Variants in ANPEP observed in about 807,000 individuals in gnomAD.
ANPEP encodes the protein aminopeptidase N.
In ANPEP, 70 loss-of-function variants were observed where a neutral mutation model predicts 114.6. The ratio of observed to expected loss-of-function variants is 0.61; its 90% CI spans 0.50 to 0.75. The LOEUF (loss-of-function observed/expected upper bound fraction) is 0.75, where lower values mean the gene tolerates loss of function less well. Ranked by LOEUF, ANPEP falls within the 30% of genes least tolerant of loss-of-function variation. ANPEP has a pLI of 0.00. For synonymous variants in ANPEP, 548 were observed against 522.3 expected (o/e 1.05, Z -0.67); for missense variants, 1,184 against 1,259.5 (o/e 0.94, Z 0.91).
At chr15:89,809,023 C>G (rs1490783477) in intron 1 of ANPEP, among the ~76,000 whole-genome samples, 3 of 152,118 alleles carry the variant, frequency 2.0e-5, no homozygotes, top group Non-Finnish European at 4.4e-5. Context: ...ATGGACCTCC[C>G]ACTGCAGTGA....
At position 89,806,505 on chromosome 15, in the gene ANPEP, T is replaced by C. The variant is rs369184847; in HGVS notation, c.79A>G (p.Ile27Val). The stretch of plus-strand genomic sequence containing the variant: ...TGGGAGTACACCACTGACAGTGCGA[T>C]GATTGTGCACACGGCTGCCACGCCC... The part of the protein sequence containing the change: ...LLGVAAVCTI[I>V]ALSVVYSQEK... Residue 27 changes from isoleucine to valine, a missense_variant, in exon 2 of 21, where the codon ATC becomes GTC. By Grantham distance (29) the Ile-to-Val change is conservative. Transcript: ENST00000300060. The surrounding 1 kb of genome is among the most constrained non-coding windows in gnomAD (Gnocchi z 5.7). 1.9e-6 allele frequency: 3 copies of C among 1,613,838 alleles called. No homozygotes were observed. Among genetic ancestry groups the C allele is most frequent in the Non-Finnish European group, 2.5e-6 (3 of 1,179,934 alleles).
In ANPEP at chr15:89,803,292, T is replaced by A. The variant is rs1194346305; in HGVS notation, c.1516A>T (p.Thr506Ser). ...FKQGLASYLH[T>S]FAYQNTIYLN... ...TAGATGGTGTTCTGGTAGGCAAAGGTGTGGAGGTAGGACTGTGGAAAGACG... is the reference window on the plus strand; with the variant it reads ...TAGATGGTGTTCTGGTAGGCAAAGGAGTGGAGGTAGGACTGTGGAAAGACG... Residue 506 changes from threonine (T) to serine (S), a missense_variant, in exon 10 of 21, where the codon ACC becomes TCC. Transcript: ENST00000300060. This position sits in a 1 kb window ranked among gnomAD's most constrained non-coding sequence, Gnocchi z 4.2. 2 of 1,613,634 alleles carry A rather than the reference T, an allele frequency of 1.2e-6. No homozygotes were observed. Among genetic ancestry groups the A allele is most frequent in the African/African-American group, 2.7e-5 (2 of 74,776 alleles).
chr15:89,790,415 G>T (rs138092014), intron 20 of ANPEP, 45 bp downstream of exon 20: 7 of 1,574,558 alleles, frequency 4.4e-6, no homozygotes, highest in Non-Finnish European at 6.1e-6. Context: ...CCTTTGGCCT[G>T]GGAAGGAAGT....
In ANPEP at chr15:89,785,490, G is replaced by A. The variant is rs2141782145; in HGVS notation, c.2763C>T (p.Phe921=). 6.2e-7 allele frequency: 1 copy of A among 1,613,962 alleles called. No individual in the cohort carries two copies. Among genetic ancestry groups the A allele is most frequent in the Non-Finnish European group, 8.5e-7 (1 of 1,179,900 alleles). ...TEYELQQLEQ[F]KKDNEETGFG... ...AGCCTGTTTCCTCGTTGTCCTTCTT[G>A]AACTGCTCCAGCTGCCAGAAAAACA... is the stretch of plus-strand genomic sequence containing the variant. The change falls in exon 21 of 21, where the codon TTC becomes TTT. Residue 921 remains phenylalanine (F), a synonymous_variant. Transcript: ENST00000300060.
chr15:89,802,165 T>C (rs894905454), intron 10 of ANPEP, among the ~76,000 whole-genome samples: 1 of 152,004 alleles, frequency 6.6e-6, no homozygotes, highest in Non-Finnish European at 1.5e-5. Context: ...AGGAATCACC[T>C]AAGAACGGGG....
At position 89,801,087 on chromosome 15, in the gene ANPEP, G is replaced by A. The variant is rs556842414; in HGVS notation, c.1819+24C>T. The A allele has an allele frequency of 9.1e-5, 146 of 1,609,432 alleles. 1 individual carries two copies. The South Asian group carries it at 1.5e-3, about 17-fold the overall frequency. On this transcript the variant is annotated intron_variant, in intron 12 of 20. Coordinates refer to ENST00000300060, the MANE Select transcript of ANPEP (RefSeq NM_001150.3). ...CTAGGAGTATGGGGTGGGGGCTGCT[G>A]CCCATAAGGCAGGGCTGGATTACCT...
In ANPEP at chr15:89,785,295, A is replaced by T; in HGVS notation, c.*54T>A. The T allele has an allele frequency of 6.2e-7, 1 of 1,606,826 alleles. No individual in the cohort carries two copies. Among genetic ancestry groups the T allele is most frequent in the Admixed American group, 1.7e-5 (1 of 59,798 alleles). ...TGGAGGCCCTGCACCAGCCGCTGGG[A>T]TGGACACATGTGGGCACCTTGCATG... On this transcript the variant is annotated 3_prime_UTR_variant, in exon 21 of 21. Transcript: ENST00000300060.
chr15:89,792,063 G>A, intron 18 of ANPEP, 97 bp downstream of exon 18: 1 of 1,411,686 alleles, frequency 7.1e-7, no homozygotes, highest in South Asian at 1.3e-5. Flanking sequence ...CAGGTCTGTG[G>A]GGGTCACGTG....
intron 5 of ANPEP, 37 bp from the exon 6 acceptor site, chr15:89,804,444 G>T: frequency 6.2e-7 from 1 of 1,614,094 alleles, no homozygotes; most frequent in Non-Finnish European, 8.5e-7. Context: ...TGAACTCCGG[G>T]AGTGGAGCTC....
intron 14 of ANPEP, 32 bp from the exon 15 acceptor site, chr15:89,797,754 A>G (rs774863890): frequency 6.2e-7 from 1 of 1,611,056 alleles, no homozygotes; most frequent in African/African-American, 1.3e-5. Context: ...CAAGTAAAGC[A>G]CCTCCACCCA....
In ANPEP at chr15:89,803,357, C is replaced by G. The variant is rs1349449774; in HGVS notation, c.1504-53G>C. The G allele has an allele frequency of 1.2e-6, 2 of 1,613,170 alleles. No homozygotes were observed. The highest frequency in any genetic ancestry group is 2.7e-5 in the African/African-American group (2 of 74,910). ...CACAGCTGGAGCCCCCCAGGCTCCC[C>G]CTCTGTGGTGGGCAGAGGCCCGGGT... On this transcript the variant is annotated intron_variant, in intron 9 of 20. Transcript: ENST00000300060. The surrounding 1 kb of genome is among the most constrained non-coding windows in gnomAD (Gnocchi z 4.2).
chr15:89,797,180 T>G (rs1968744067), intron 15 of ANPEP, among the ~76,000 whole-genome samples: 2 of 152,246 alleles, frequency 1.3e-5, no homozygotes, highest in South Asian at 4.1e-4. Flanking sequence ...GAGAAAGGGT[T>G]GCCCAAGGCC....
chr15:89,804,695 T>C, intron 4 of ANPEP, 78 bp from the exon 5 acceptor site: 18 of 1,554,168 alleles, frequency 1.2e-5, no homozygotes, highest in Non-Finnish European at 1.6e-5. Context: ...CAGGGCCCAG[T>C]GGGCTGGGGG....
intron 4 of ANPEP, 76 bp from the exon 5 acceptor site, chr15:89,804,693 A>G: frequency 6.4e-7 from 1 of 1,567,134 alleles, no homozygotes; most frequent in Non-Finnish European, 8.6e-7. Context: ...CCCAGGGCCC[A>G]GTGGGCTGGG....
chr15:89,797,429 A>C, intron 15 of ANPEP, 146 bp downstream of exon 15: 2 of 1,217,330 alleles, frequency 1.6e-6, no homozygotes, highest in Non-Finnish European at 2.3e-6. Flanking sequence ...TGACAAGGCA[A>C]TCTTTCTTTT....
Position 89,803,682 on chromosome 15 carries a change from T to A in ANPEP, c.1402A>T (p.Ile468Phe), listed in dbSNP as rs779772738. Residue 468 changes from isoleucine to phenylalanine, a missense_variant, in exon 8 of 21, where the codon ATC becomes TTC. Ile to Phe is a conservative substitution (Grantham distance 21). Coordinates refer to ENST00000300060, the MANE Select transcript of ANPEP (RefSeq NM_001150.3). The surrounding 1 kb of genome is among the most constrained non-coding windows in gnomAD (Gnocchi z 4.2). ...GAGATGGCGTCAAACAGCTCACTGA[T>A]CTGGGCCGGCGTGTTGATCTCCGAG... ...PASEINTPAQ[I>F]SELFDAISYS... The A allele has an allele frequency of 4.3e-6, 7 of 1,613,222 alleles. No homozygotes were observed. The Admixed American group carries it at 1.2e-4, about 27-fold the overall frequency.
intron 1 of ANPEP, among the ~76,000 whole-genome samples, chr15:89,808,298 C>G (rs980763045): frequency 6.6e-6 from 1 of 152,212 alleles, no homozygotes; most frequent in Admixed American, 6.5e-5. Flanking sequence ...GCCGCCCTGA[C>G]CTCCCTGACC....
chr15:89,803,407 C>A lies in ANPEP; in HGVS notation c.1503+35G>T. On this transcript the variant is annotated intron_variant, in intron 9 of 20. Transcript: ENST00000300060. This position sits in a 1 kb window ranked among gnomAD's most constrained non-coding sequence, Gnocchi z 4.2. ...TCAAGGGCGAGGGGCAGAAGGAGAC[C>A]CACCCTCATGGCTGGCCCAGGGTGC... is the stretch of plus-strand genomic sequence containing the variant. 6.2e-7 allele frequency: 1 copy of A among 1,611,756 alleles called. No homozygotes were observed.
At chr15:89,804,676 G>C in intron 4 of ANPEP, 59 bp from the exon 5 acceptor site, 1 of 1,588,548 alleles carries the variant, frequency 6.3e-7, no homozygotes, top group Non-Finnish European at 8.6e-7. Flanking sequence ...GGGCAGGTGG[G>C]CTGGGTCCCA....
Sources: allele counts gnomAD v4.1 joint callset (sites outside exome capture counted in the v4.1 genomes callset), GRCh38; gene constraint gnomAD v4.1.1; non-coding constraint Gnocchi (gnomAD v3.1); transcripts MANE v1.5; gene names NCBI Gene and HGNC (gene_info 2026-07-23, HGNC 2026-07-21).